Variants in NOC3L observed in about 807,000 individuals in gnomAD.
NOC3L encodes the protein nucleolar complex protein 3 homolog.
NOC3L carries 85 observed loss-of-function variants against 102.5 expected under a neutral mutation model. That is an observed-to-expected ratio of 0.83 (90% CI 0.70 to 0.99). The LOEUF (loss-of-function observed/expected upper bound fraction) is 0.99, where lower values mean the gene tolerates loss of function less well. NOC3L is among the 50% of genes least tolerant of loss of function. NOC3L has a pLI of 0.00. For synonymous variants in NOC3L, 303 were observed against 309.4 expected (o/e 0.98, Z 0.22); for missense variants, 878 against 914.9 (o/e 0.96, Z 0.52).
chr10:94,344,742 TA>T, intron 12 of NOC3L, 110 bp downstream of exon 12: 1 of 859,588 alleles, frequency 1.2e-6, no homozygotes, highest in Non-Finnish European at 1.8e-6. Context: ...GTCACACATC[TA>T]AGCCTCATGA....
At chr10:94,328,641 G>GAATT (rs1266274557), downstream of NOC3L, 2 of 152,150 alleles carry the variant, frequency 1.3e-5, no homozygotes, top group East Asian at 1.9e-4. Flanking sequence ...TAGAAGCTTA[G>GAATT]AATTAGAAGC....
rs911998666 is a variant in NOC3L, at chr10:94,333,437, T to C, written c.*740A>G. ...CTCCTCATTGAGTATCCTTTGTCTC[T>C]AGATCAGAATGGTAAAGTCTTGGGC... is the stretch of plus-strand genomic sequence containing the variant. On this transcript the variant is annotated 3_prime_UTR_variant, in exon 21 of 21. Coordinates refer to ENST00000371361, the MANE Select transcript of NOC3L (RefSeq NM_022451.11). 6.6e-6 allele frequency: 1 copy of C among 152,176 alleles called. No individual in the cohort carries two copies. The highest frequency in any genetic ancestry group is 2.4e-5 in the African/African-American group (1 of 41,456). 9.4% of individuals were successfully genotyped at this position (152,176 alleles called of 1,614,324 possible). A position where few individuals can be genotyped will look rare whatever the true frequency, so the allele number is the denominator to read the frequency against.
the NOC3L span, among the ~76,000 whole-genome samples, chr10:94,320,100 T>G: frequency 6.6e-6 from 1 of 152,112 alleles, no homozygotes; most frequent in Non-Finnish European, 1.5e-5. Flanking sequence ...GGACAAAGAT[T>G]ATAAATTATG....
At chr10:94,340,000 A>C (rs1370803891) in intron 16 of NOC3L, 80 bp from the exon 17 acceptor site, 10 of 1,266,034 alleles carry the variant, frequency 7.9e-6, no homozygotes, top group Non-Finnish European at 1.1e-5. Flanking sequence ...AGATAAACCC[A>C]AGATAAACTT....
chr10:94,337,403 ATTT>A lies in NOC3L; in HGVS notation c.2189+371_2189+373del. On this transcript the variant is annotated intron_variant, in intron 19 of 20. Coordinates refer to ENST00000371361, the MANE Select transcript of NOC3L (RefSeq NM_022451.11). ...GCGAGCGAGAAAGCAAGGAAGCTTA[ATTT>A]GGTTGACTTGTGTTTTATCTTCACA... Among the ~76,000 whole-genome samples, 3 of 151,898 alleles carry A rather than the reference ATTT, an allele frequency of 2.0e-5. No homozygotes were observed. In the South Asian group the frequency reaches 6.2e-4, roughly 32 times the overall value.
At chr10:94,324,331 T>C in the NOC3L span, 1 of 1,588,210 alleles carries the variant, frequency 6.3e-7, no homozygotes, top group Non-Finnish European at 8.6e-7. Context: ...ATTCAGTTGA[T>C]CATAACTTAC....
the NOC3L span, chr10:94,324,987 T>C: frequency 6.2e-7 from 1 of 1,614,176 alleles, no homozygotes; most frequent in South Asian, 1.1e-5. Flanking sequence ...TTACATCACC[T>C]TCTCAGCTCT....
chr10:94,315,399 C>T, the NOC3L span: 2 of 455,918 alleles, frequency 4.4e-6, no homozygotes, highest in East Asian at 6.9e-5. Context: ...CACGGGAAGG[C>T]AACAAAGGGA....
chr10:94,352,658 C>T (rs562900385), intron 7 of NOC3L, among the ~76,000 whole-genome samples: 1 of 152,092 alleles, frequency 6.6e-6, no homozygotes, highest in Non-Finnish European at 1.5e-5. Flanking sequence ...CCCGTCTCTA[C>T]TAAAAGCACA....
rs201218421 is a variant in NOC3L, at chr10:94,341,739, A to G, written c.1578T>C (p.Ala526=). ...PAVLEGLAKF[A]HLINVEFFDD... ...CAAAAAATTCCACATTTATAAGGTG[A>G]GCAAACCTGGAATCAAACAAAACAG... Residue 526 remains alanine (A), a synonymous_variant, in exon 14 of 21, where the codon GCT becomes GCC. Coordinates refer to ENST00000371361, the MANE Select transcript of NOC3L (RefSeq NM_022451.11). The G allele has an allele frequency of 5.2e-6, 8 of 1,552,062 alleles. No homozygotes were observed. In the East Asian group the frequency reaches 9.4e-5, roughly 18 times the overall value.
At chr10:94,319,054 CA>C in the NOC3L span, among the ~76,000 whole-genome samples, 4 of 151,328 alleles carry the variant, frequency 2.6e-5, no homozygotes, top group African/African-American at 9.7e-5. Flanking sequence ...TCTTTAAAAA[CA>C]AAAAAAAGTA....
rs1332869215 is a variant in NOC3L, at chr10:94,358,367, T to C, written c.218-152A>G. The C allele has an allele frequency of 3.2e-5, 21 of 651,326 alleles. No individual in the cohort carries two copies. In the East Asian group the frequency reaches 5.1e-4, roughly 16 times the overall value. The allele number at this position is 651,326 out of a possible 1,614,324, so 40.3% of individuals were successfully genotyped here. The stretch of plus-strand genomic sequence containing the variant: ...CCCAAAATGCTGGGATTACAGGGAG[T>C]GGGCCATGGCTCACAGCTGAGCCCA... On this transcript the variant is annotated intron_variant, in intron 2 of 20. Coordinates refer to ENST00000371361, the MANE Select transcript of NOC3L (RefSeq NM_022451.11).
chr10:94,319,864 CTTTTTTTTTTTT>C, the NOC3L span, among the ~76,000 whole-genome samples: 5 of 92,914 alleles, frequency 5.4e-5, no homozygotes. Flanking sequence ...CAAAGGTGCT[CTTTTTTTTTTTT>C]TTTTTTTTTT....
At chr10:94,350,036 G>A in intron 9 of NOC3L, 77 bp downstream of exon 9, 3 of 1,402,824 alleles carry the variant, frequency 2.1e-6, no homozygotes, top group East Asian at 2.3e-5. Context: ...GGGATTACAG[G>A]TGTGAGCCAC....
intron 13 of NOC3L, among the ~76,000 whole-genome samples, chr10:94,342,180 T>C (rs566627636): frequency 2.0e-5 from 3 of 152,282 alleles, no homozygotes; most frequent in African/African-American, 7.2e-5. Flanking sequence ...TGGACCCCAG[T>C]ATCTAGTTCA....
At chr10:94,357,586 A>C (rs192691855) in intron 3 of NOC3L, 1 of 302,770 alleles carries the variant, frequency 3.3e-6, no homozygotes, top group East Asian at 5.7e-5. Context: ...ATAAAGGTGA[A>C]AGTTACAGCA....
intron 14 of NOC3L, among the ~76,000 whole-genome samples, chr10:94,340,958 G>A (rs574806086): frequency 1.1e-4 from 16 of 149,256 alleles, no homozygotes; most frequent in African/African-American, 3.9e-4. Flanking sequence ...TCCAGCCTGG[G>A]TGACAGAGCA....
chr10:94,361,519 A>C, intron 2 of NOC3L, 146 bp downstream of exon 2: 1 of 681,116 alleles, frequency 1.5e-6, no homozygotes, highest in Non-Finnish European at 2.6e-6. Context: ...TATGCTTTAT[A>C]GCAGTCCTAT....
intron 2 of NOC3L, among the ~76,000 whole-genome samples, chr10:94,359,627 T>C (rs527845496): frequency 2.6e-5 from 4 of 151,910 alleles, no homozygotes; most frequent in Non-Finnish European, 2.9e-5. Context: ...GGCAAACAGG[T>C]ATATGAAAAG....
Sources: gnomAD v4.1 joint callset for allele counts (sites outside exome capture counted in the v4.1 genomes callset) on GRCh38, gnomAD v4.1.1 for gene constraint, MANE v1.5 for transcripts, NCBI Gene and HGNC (gene_info 2026-07-23, HGNC 2026-07-21) for gene names.